The following TENM1 variants were observed in gnomAD, a reference collection of about 807,000 sequenced individuals.
TENM1 encodes the protein teneurin transmembrane protein 1, also known as teneurin-1.
Under a neutral mutation model 174.8 loss-of-function variants are expected in TENM1, and 35 were observed. The ratio of observed to expected loss-of-function variants is 0.20; its 90% CI spans 0.15 to 0.27. TENM1 has a LOEUF of 0.27. Ranked by LOEUF, TENM1 falls within the 10% of genes least tolerant of loss-of-function variation. The probability of loss-of-function intolerance (pLI) is 1.00; values close to 1 mark genes in which losing one functional copy is unlikely to be tolerated. For synonymous variants in TENM1, 781 were observed against 798.7 expected (o/e 0.98, Z 0.37); for missense variants, 1,633 against 2,130.1 (o/e 0.77, Z 4.59).
intron 23 of TENM1, among the ~76,000 whole-genome samples, chrX:124,452,899 A>G (rs933217149): frequency 2.8e-5 from 3 of 107,692 alleles, no homozygotes. Flanking sequence ...TTTAGGAGAT[A>G]TACCTAATGT....
At chrX:124,554,443 G>A (rs915711327) in intron 14 of TENM1, among the ~76,000 whole-genome samples, 2 of 111,747 alleles carry the variant, frequency 1.8e-5, no homozygotes, top group African/African-American at 6.5e-5. Context: ...AGTTGCATCT[G>A]GAGGCACTTG....
intron 4 of TENM1, among the ~76,000 whole-genome samples, chrX:124,734,986 A>G (rs2053638572): frequency 8.9e-6 from 1 of 112,242 alleles, no homozygotes; most frequent in Non-Finnish European, 1.9e-5. Context: ...AAACTATAAA[A>G]ATACTAGAAG....
chrX:124,977,856 C>T, the TENM1 span, among the ~76,000 whole-genome samples: 1 of 109,250 alleles, frequency 9.2e-6, no homozygotes, highest in Non-Finnish European at 1.9e-5. Flanking sequence ...TATTCTGCCC[C>T]TTTCTCTGTC....
chrX:124,829,295 T>A (rs968378673), intron 3 of TENM1, among the ~76,000 whole-genome samples: 1 of 111,953 alleles, frequency 8.9e-6, no homozygotes, highest in Non-Finnish European at 1.9e-5. Flanking sequence ...AAGATGTATC[T>A]AAAAAAAAGA....
the TENM1 span, among the ~76,000 whole-genome samples, chrX:124,984,885 G>A: frequency 4.5e-5 from 5 of 111,873 alleles, no homozygotes; most frequent in East Asian, 1.4e-3. Context: ...ACAAAGCTAG[G>A]GCTCCTTCCC....
rs187828586 is a variant in TENM1, at chrX:124,930,663, C to T, written c.217+32874G>A. On this transcript the variant is annotated intron_variant, in intron 1 of 31. Coordinates refer to ENST00000422452, the Ensembl canonical transcript of TENM1. ...TCTTTTGTACCTTACCATGGGACCA[C>T]TGTAAGGGTCCTGCACACTGTGGGG... 2.4e-3 allele frequency among the ~76,000 whole-genome samples: 271 copies of T among 111,827 alleles called. 3 individuals are homozygous for T. Among genetic ancestry groups the T allele is most frequent in the African/African-American group, 7.3e-3 (224 of 30,712 alleles).
the TENM1 span, among the ~76,000 whole-genome samples, chrX:125,090,156 A>G: frequency 8.9e-6 from 1 of 111,732 alleles, no homozygotes; most frequent in Non-Finnish European, 1.9e-5. Context: ...GGAGGCTTCA[A>G]ATGAAACCCG....
At chrX:124,566,947 C>T (rs992923486) in intron 11 of TENM1, among the ~76,000 whole-genome samples, 5 of 111,951 alleles carry the variant, frequency 4.5e-5, no homozygotes, top group Admixed American at 3.8e-4. Context: ...AATACTTATA[C>T]ATCACAAAGC....
chrX:125,150,004 T>C, the TENM1 span, among the ~76,000 whole-genome samples: 1 of 111,407 alleles, frequency 9.0e-6, no homozygotes, highest in Non-Finnish European at 1.9e-5. Context: ...CAAGGGATTT[T>C]AGGATTTCTC....
At chrX:124,392,188 G>A (rs867179824) in exon 28 of TENM1, 1 of 1,209,302 alleles carries the variant, frequency 8.3e-7, no homozygotes, top group African/African-American at 1.8e-5. Flanking sequence ...AGGTGAATAT[G>A]TGATGTTCAC....
chrX:124,435,343 C>G (rs1055740059), intron 23 of TENM1, among the ~76,000 whole-genome samples: 1 of 111,928 alleles, frequency 8.9e-6, no homozygotes, highest in Non-Finnish European at 1.9e-5. Context: ...CCTTTGGCAC[C>G]TAAAGCAATT....
intron 22 of TENM1, among the ~76,000 whole-genome samples, chrX:124,459,292 A>G (rs1006536083): frequency 9.0e-6 from 1 of 111,681 alleles, no homozygotes; most frequent in African/African-American, 3.3e-5. Flanking sequence ...AACAATAATC[A>G]TTTCCATTTG....
At chrX:124,738,848 C>A (rs1007109886) in intron 3 of TENM1, among the ~76,000 whole-genome samples, 1 of 111,896 alleles carries the variant, frequency 8.9e-6, no homozygotes, top group African/African-American at 3.3e-5. Flanking sequence ...GAAAACAAGT[C>A]CAGGGACACT....
the TENM1 span, among the ~76,000 whole-genome samples, chrX:125,042,545 A>G: frequency 9.0e-6 from 1 of 111,512 alleles, no homozygotes; most frequent in Admixed American, 9.6e-5. Context: ...AATGACCTGG[A>G]TAAACTAATC....
chrX:124,830,063 C>T (rs913165284), intron 3 of TENM1, among the ~76,000 whole-genome samples: 49 of 111,776 alleles, frequency 4.4e-4, no homozygotes, highest in Non-Finnish European at 1.1e-4. Flanking sequence ...AATATAACAT[C>T]TCCCAGGGGA....
At chrX:124,642,808 T>C (rs2051051937) in intron 10 of TENM1, among the ~76,000 whole-genome samples, 1 of 112,373 alleles carries the variant, frequency 8.9e-6, no homozygotes, top group Non-Finnish European at 1.9e-5. Context: ...AATAGAAAGG[T>C]TGATTTCCAA....
At chrX:124,481,657 T>G in intron 22 of TENM1, 75 bp downstream of exon 25, 3 of 286,474 alleles carry the variant, frequency 1.0e-5, no homozygotes, top group East Asian at 6.5e-5. Context: ...AGTCTCGGGA[T>G]TTTGTAAAGT....
the TENM1 span, among the ~76,000 whole-genome samples, chrX:125,199,102 T>C: frequency 2.7e-5 from 3 of 111,447 alleles, no homozygotes; most frequent in Admixed American, 2.9e-4. Context: ...TTTAAAGTGT[T>C]TTATTTTATT....
chrX:124,450,843 A>C (rs1212593491), intron 23 of TENM1, among the ~76,000 whole-genome samples: 3 of 112,106 alleles, frequency 2.7e-5, no homozygotes, highest in Non-Finnish European at 5.6e-5. Flanking sequence ...CCAATGTGAC[A>C]CAAGAAGGAA....
Sources: gnomAD v4.1 joint callset for allele counts (sites outside exome capture counted in the v4.1 genomes callset) on GRCh38, gnomAD v4.1.1 for gene constraint, MANE v1.5 for transcripts, NCBI Gene and HGNC (gene_info 2026-07-23, HGNC 2026-07-21) for gene names.